Variants in PDGFRB observed in about 807,000 individuals in gnomAD.
PDGFRB encodes platelet-derived growth factor receptor beta.
A neutral mutation model predicts 120.2 loss-of-function variants in PDGFRB; 42 were observed. The observed-to-expected ratio is 0.35, with a 90% CI of 0.27 to 0.45. PDGFRB has a LOEUF of 0.45. PDGFRB is among the 20% of genes least tolerant of loss of function. The pLI, the probability that PDGFRB is intolerant of heterozygous loss-of-function variation, is 1.00. For missense variants in PDGFRB, 1,149 were observed against 1,476.3 expected (o/e 0.78, Z 3.63); for synonymous variants, 586 against 606.8 (o/e 0.97, Z 0.50).
intron 2 of PDGFRB, 37 bp downstream of exon 2, chr5:150,136,971 C>T (rs139142234): frequency 6.4e-7 from 1 of 1,564,818 alleles, no homozygotes; most frequent in Non-Finnish European, 8.8e-7. Flanking sequence ...CACTCCGCAG[C>T]CCCCCGGGTC....
chr5:150,132,219 T>C lies in PDGFRB; in HGVS notation c.1128-125A>G. 1 of 619,408 alleles carries C rather than the reference T, an allele frequency of 1.6e-6. No individual in the cohort carries two copies. The highest frequency in any genetic ancestry group is 2.9e-6 in the Non-Finnish European group (1 of 340,298). 38.4% of individuals were successfully genotyped at this position (619,408 alleles called of 1,614,324 possible). A position where few individuals can be genotyped will look rare whatever the true frequency, so the allele number is the denominator to read the frequency against. On this transcript the variant is annotated intron_variant, in intron 7 of 22. Transcript: ENST00000261799. The surrounding 1 kb of genome is among the most constrained non-coding windows in gnomAD (Gnocchi z 5.0). The stretch of plus-strand genomic sequence containing the variant: ...CTTGCCAAGGTCATCTCGGCATTGG[T>C]AGCAGAGCCGGGACTCAAACCAGGT...
intron 1 of PDGFRB, among the ~76,000 whole-genome samples, chr5:150,147,180 C>G (rs986342372): frequency 1.3e-5 from 2 of 152,176 alleles, no homozygotes; most frequent in Non-Finnish European, 2.9e-5. Context: ...CCCAGCACCC[C>G]CTTCCACTGT....
chr5:150,144,551 G>C (rs888953366), intron 1 of PDGFRB, among the ~76,000 whole-genome samples: 2 of 152,234 alleles, frequency 1.3e-5, no homozygotes, highest in Non-Finnish European at 2.9e-5. Flanking sequence ...GATAAAGAAC[G>C]GGCTGATCTC....
chr5:150,135,726 T>A lies in PDGFRB; in HGVS notation c.193A>T (p.Met65Leu). Residue 65 changes from methionine to leucine, a missense_variant, in exon 3 of 23, where the codon ATG becomes TTG. Met to Leu is a conservative substitution (Grantham distance 15). Coordinates refer to ENST00000261799, the MANE Select transcript of PDGFRB (RefSeq NM_002609.4). ...ATTTCCTGTGGGGGCTCCTGGGACATCCGTTCCCACACCACCGGAGCTGAA... is the reference window on the plus strand; with the variant it reads ...ATTTCCTGTGGGGGCTCCTGGGACAACCGTTCCCACACCACCGGAGCTGAA... ...SGSAPVVWERMSQEPPQEMAK... is the reference protein window; with the variant it reads ...SGSAPVVWERLSQEPPQEMAK... 1 of 1,614,106 alleles carries A rather than the reference T, an allele frequency of 6.2e-7. No individual in the cohort carries two copies. The highest frequency in any genetic ancestry group is 8.5e-7 in the Non-Finnish European group (1 of 1,180,006).
chr5:150,145,958 G>A (rs577943535), intron 1 of PDGFRB, among the ~76,000 whole-genome samples: 3 of 152,214 alleles, frequency 2.0e-5, no homozygotes, highest in South Asian at 2.1e-4. Flanking sequence ...ACTCTTTCAC[G>A]CTGTCTTTTG....
At chr5:150,144,352 C>T (rs1760862163) in intron 1 of PDGFRB, among the ~76,000 whole-genome samples, 2 of 152,190 alleles carry the variant, frequency 1.3e-5, no homozygotes, top group Admixed American at 1.3e-4. Context: ...CTGACAGCTC[C>T]CTCACAACTG....
intron 2 of PDGFRB, among the ~76,000 whole-genome samples, chr5:150,136,126 G>A (rs1760623771): frequency 6.6e-6 from 1 of 152,222 alleles, no homozygotes; most frequent in Non-Finnish European, 1.5e-5. Context: ...CTTCAGCAGT[G>A]CCATGTGTAG....
chr5:150,133,560 G>C, intron 6 of PDGFRB, 26 bp downstream of exon 6: 1 of 1,599,092 alleles, frequency 6.3e-7, no homozygotes, highest in Non-Finnish European at 8.6e-7. Context: ...AGGAATTGGG[G>C]ATTGGGCTGA....
intron 13 of PDGFRB, 33 bp downstream of exon 13, chr5:150,124,694 G>A: frequency 9.7e-7 from 1 of 1,029,122 alleles, no homozygotes; most frequent in Non-Finnish European, 1.5e-6. Flanking sequence ...AGAGGTGAAG[G>A]CCCAGATGTG....
intron 14 of PDGFRB, among the ~76,000 whole-genome samples, chr5:150,123,846 T>C (rs963329642): frequency 2.6e-5 from 4 of 152,240 alleles, no homozygotes; most frequent in Non-Finnish European, 5.9e-5. Flanking sequence ...ATAGACCCAG[T>C]TGGCCACAGA....
chr5:150,131,445 A>T (rs1182669080), intron 8 of PDGFRB, among the ~76,000 whole-genome samples: 1 of 152,182 alleles, frequency 6.6e-6, no homozygotes, highest in Non-Finnish European at 1.5e-5. Flanking sequence ...CACTGTATCA[A>T]AAATGCAACT....
Position 150,115,777 on chromosome 5 carries a change from C to A in PDGFRB, c.3307G>T (p.Asp1103Tyr). ...GGGCCAGCCCCCTACAGGAAGCTAT[C>A]CTCTGCTTCCGCCCGAGGCGCAGGG... ...GCPAPRAEAE[D>Y]SFL The change falls in exon 23 of 23, where the codon GAT becomes TAT. Residue 1103 changes from aspartate to tyrosine, a missense_variant. Transcript: ENST00000261799. 6.2e-7 allele frequency: 1 copy of A among 1,607,166 alleles called. No homozygotes were observed. The highest frequency in any genetic ancestry group is 8.5e-7 in the Non-Finnish European group (1 of 1,176,846).
intron 10 of PDGFRB, among the ~76,000 whole-genome samples, chr5:150,127,237 T>C (rs1292221278): frequency 6.6e-6 from 1 of 152,148 alleles, no homozygotes; most frequent in Non-Finnish European, 1.5e-5. Context: ...CTTACAAGCC[T>C]CGAGTCTCCT....
At chr5:150,133,358 G>C (rs1207642606) in intron 6 of PDGFRB, among the ~76,000 whole-genome samples, 3 of 152,164 alleles carry the variant, frequency 2.0e-5, no homozygotes, top group Non-Finnish European at 4.4e-5. Flanking sequence ...CTACATTTTG[G>C]TTTGGGGTTT....
intron 1 of PDGFRB, among the ~76,000 whole-genome samples, chr5:150,151,220 C>G (rs1047686800): frequency 2.6e-5 from 4 of 152,154 alleles, no homozygotes; most frequent in Non-Finnish European, 5.9e-5. Flanking sequence ...GCTGGCATGG[C>G]TTGGAATCCT....
In PDGFRB at chr5:150,129,810, G is replaced by A. The variant is rs766614995; in HGVS notation, c.1526C>T (p.Thr509Met). Residue 509 changes from threonine (T) to methionine (M), a missense_variant, in exon 10 of 23, where the codon ACG becomes ATG. By Grantham distance (81) the Thr-to-Met change is moderately conservative. Around this residue, in one of 3 missense-constraint regions of PDGFRB, gnomAD observed 879 missense variants for 1,108.6 expected, o/e 0.79. Transcript: ENST00000261799. ...HVDRPLSVRC[T>M]LRNAVGQDTQ... The stretch of plus-strand genomic sequence containing the variant: ...GTCCTGGCCCACAGCGTTGCGCAGC[G>A]TGCAGCGCACCGACAGTGGCCGATC... 73 of 1,613,780 alleles carry A rather than the reference G, an allele frequency of 4.5e-5. No homozygotes were observed. Among genetic ancestry groups the A allele is most frequent in the Admixed American group, 2.0e-4 (12 of 60,012 alleles).
chr5:150,119,572 G>A lies in PDGFRB; in HGVS notation c.2699-6C>T. ...CTCTGGGTAAGGGGTGCCACCTGTT[G>A]GGGAGCAGAGACAAGAGATACACAG... On this transcript the variant is annotated splice_polypyrimidine_tract_variant and splice_region_variant and intron_variant, in intron 19 of 22. Coordinates refer to ENST00000261799, the MANE Select transcript of PDGFRB (RefSeq NM_002609.4). 1 of 1,566,630 alleles carries A rather than the reference G, an allele frequency of 6.4e-7. No homozygotes were observed. The highest frequency in any genetic ancestry group is 8.8e-7 in the Non-Finnish European group (1 of 1,136,718).
chr5:150,141,097 C>A (rs955756634), intron 1 of PDGFRB, among the ~76,000 whole-genome samples: 1 of 152,190 alleles, frequency 6.6e-6, no homozygotes. Flanking sequence ...TCGCACACTC[C>A]TCTGAAACAC....
In PDGFRB at chr5:150,133,905, G is replaced by C. The variant is rs765554311; in HGVS notation, c.735C>G (p.Phe245Leu). 1 of 1,613,960 alleles carries C rather than the reference G, an allele frequency of 6.2e-7. No homozygotes were observed. Among genetic ancestry groups the C allele is most frequent in the Non-Finnish European group, 8.5e-7 (1 of 1,180,000 alleles). The stretch of plus-strand genomic sequence containing the variant: ...CTTCTTTGCGGGGGTATGTCCACTC[G>C]AAGTTGACCACCTCATTCCCGATCA... ...CIVIGNEVVNFEWTYPRKESG... is the reference protein window; with the variant it reads ...CIVIGNEVVNLEWTYPRKESG... Residue 245 changes from phenylalanine to leucine, a missense_variant, in exon 5 of 23, where the codon TTC becomes TTG. Around this residue, in one of 3 missense-constraint regions of PDGFRB, gnomAD observed 879 missense variants for 1,108.6 expected, o/e 0.79. Transcript: ENST00000261799.
Sources: gnomAD v4.1 joint callset for allele counts (sites outside exome capture counted in the v4.1 genomes callset) on GRCh38, gnomAD v4.1.1 for gene constraint, gnomAD v4.1.1 regional missense constraint, Gnocchi (gnomAD v3.1) non-coding constraint, MANE v1.5 for transcripts, NCBI Gene and HGNC (gene_info 2026-07-23, HGNC 2026-07-21) for gene names.